Variants in EYS observed in about 807,000 individuals in gnomAD.
EYS encodes the protein protein eyes shut homolog.
EYS carries 250 observed loss-of-function variants against 282.1 expected under a neutral mutation model. The ratio of observed to expected loss-of-function variants is 0.89; its 90% confidence interval spans 0.80 to 0.98. The LOEUF is 0.98. EYS is among the 50% of genes least tolerant of loss of function. The pLI is 0.00. For missense variants in EYS, 4,016 were observed against 3,709.0 expected, an observed-to-expected ratio of 1.08 and a Z score of -2.15; for synonymous variants, 1,355 against 1,282.9, an observed-to-expected ratio of 1.06 and a Z score of -1.20.
At chr6:64,534,999 T>C (rs1208637569) in intron 26 of EYS, among the ~76,000 whole-genome samples, 1 of 152,156 alleles carries the variant, frequency 6.6e-6, no homozygotes, top group Non-Finnish European at 1.5e-5. Context: ...GTGTATCTAC[T>C]AAACTTCCTC....
chr6:64,696,571 A>G (rs571337438), intron 22 of EYS, among the ~76,000 whole-genome samples: 10 of 152,284 alleles, frequency 6.6e-5, no homozygotes, highest in African/African-American at 4.8e-5. Flanking sequence ...TCTAAAGTCA[A>G]TATGTTGGAA....
chr6:64,305,041 A>G (rs1371470737), intron 30 of EYS, among the ~76,000 whole-genome samples: 1 of 152,244 alleles, frequency 6.6e-6, no homozygotes, highest in African/African-American at 2.4e-5. Flanking sequence ...GAAAAACTCA[A>G]CAAAATTGAC....
chr6:65,637,820 C>T (rs1351464854), intron 2 of EYS, among the ~76,000 whole-genome samples: 3 of 152,164 alleles, frequency 2.0e-5, no homozygotes, highest in African/African-American at 7.2e-5. Context: ...GGCTGGCGGG[C>T]GTGGTGAGTG....
At chr6:65,007,833 A>G (rs1235772316) in intron 13 of EYS, among the ~76,000 whole-genome samples, 2 of 152,218 alleles carry the variant, frequency 1.3e-5, no homozygotes, top group Non-Finnish European at 2.9e-5. Context: ...ACCTAGGTAA[A>G]TTCTCAGATA....
intron 12 of EYS, among the ~76,000 whole-genome samples, chr6:65,150,529 A>G (rs1764588228): frequency 6.6e-6 from 1 of 151,848 alleles, no homozygotes; most frequent in Non-Finnish European, 1.5e-5. Context: ...TTTATTTTCT[A>G]TTATGTCTTT....
chr6:64,817,157 G>T (rs1429628273), intron 21 of EYS, among the ~76,000 whole-genome samples: 1 of 151,964 alleles, frequency 6.6e-6, no homozygotes, highest in East Asian at 1.9e-4. Context: ...TTTGTTGAGG[G>T]AGATGGACTC....
At chr6:64,483,350 G>T (rs1776491295) in intron 26 of EYS, among the ~76,000 whole-genome samples, 1 of 151,654 alleles carries the variant, frequency 6.6e-6, no homozygotes, top group Non-Finnish European at 1.5e-5. Context: ...TGTGGCTGAG[G>T]ATATCAGGTC....
intron 12 of EYS, among the ~76,000 whole-genome samples, chr6:65,256,269 TTTTTC>T (rs1201279335): frequency 2.2e-5 from 3 of 138,400 alleles, no homozygotes; most frequent in Non-Finnish European, 3.0e-5. Flanking sequence ...CTTCTTTTTT[TTTTTC>T]TTTTTTTTTT....
At chr6:64,553,553 C>A (rs867268193) in intron 26 of EYS, among the ~76,000 whole-genome samples, 1 of 134,196 alleles carries the variant, frequency 7.5e-6, no homozygotes, top group Non-Finnish European at 1.6e-5. Flanking sequence ...TGACCCCCCC[C>A]CCCCCATAGG....
intron 2 of EYS, among the ~76,000 whole-genome samples, chr6:65,517,347 A>ATAAAAAT (rs1554205543): frequency 0.015 from 2,319 of 151,610 alleles, 80 homozygotes; most frequent in African/African-American, 0.054. Flanking sequence ...ACAACAAAAA[A>ATAAAAAT]AAAACAAAAG....
In EYS at chr6:65,540,615, C is replaced by A. The variant is rs888939116; in HGVS notation, c.-332-44622G>T. On this transcript the variant is annotated intron_variant, in intron 2 of 42. Transcript: ENST00000503581. ...CTTTTATATAGTAGGAAGCAATATT[C>A]TTTTAAAACTTAGAGAAAGGTGGCC... Among the ~76,000 whole-genome samples, 3 of 152,224 alleles carry A rather than the reference C, an allele frequency of 2.0e-5. No individual in the cohort carries two copies. The South Asian group carries it at 6.2e-4, about 32-fold the overall frequency.
chr6:64,785,098 A>T (rs532739563), intron 22 of EYS, among the ~76,000 whole-genome samples: 1 of 152,266 alleles, frequency 6.6e-6, no homozygotes, highest in African/African-American at 2.4e-5. Context: ...ATTTCTAAAA[A>T]ATCAAATAAA....
At chr6:64,100,892 T>C (rs1311414167) in intron 31 of EYS, among the ~76,000 whole-genome samples, 2 of 152,182 alleles carry the variant, frequency 1.3e-5, no homozygotes, top group African/African-American at 4.8e-5. Flanking sequence ...CACCTGCTCA[T>C]TGTCATTGAA....
rs560413201 is a variant in EYS, at chr6:63,869,123, T to C, written c.7056-4765A>G. Among the ~76,000 whole-genome samples the C allele has an allele frequency of 2.0e-5, 3 of 152,298 alleles. No homozygotes were observed. In the East Asian group the frequency reaches 5.8e-4, roughly 29 times the overall value. ...AGCTCAGGGAAAATGTCCTCTGCTA[T>C]AGAAACTTTTTTCTTTATATGAAAG... On this transcript the variant is annotated intron_variant, in intron 35 of 42. Transcript: ENST00000503581.
At chr6:64,193,449 T>A (rs1214549810) in intron 31 of EYS, among the ~76,000 whole-genome samples, 3 of 152,106 alleles carry the variant, frequency 2.0e-5, no homozygotes, top group African/African-American at 7.2e-5. Flanking sequence ...TAGCTGAGAC[T>A]ACGGGAGCCT....
At chr6:63,986,596 A>G (rs1429690383) in intron 34 of EYS, among the ~76,000 whole-genome samples, 2 of 151,884 alleles carry the variant, frequency 1.3e-5, no homozygotes, top group Non-Finnish European at 2.9e-5. Flanking sequence ...ATATGCAGCC[A>G]TAAAAAAGAA....
chr6:64,425,657 G>GAA (rs34577912), intron 28 of EYS, among the ~76,000 whole-genome samples: 2,242 of 67,622 alleles, frequency 0.033, 95 homozygotes, highest in African/African-American at 0.094. Context: ...TCCATCCCAG[G>GAA]AAAAAAAAAA....
At chr6:64,878,075 A>G (rs1385177889) in intron 19 of EYS, among the ~76,000 whole-genome samples, 3 of 152,142 alleles carry the variant, frequency 2.0e-5, no homozygotes, top group African/African-American at 7.2e-5. Flanking sequence ...TTTACTAAAA[A>G]TACAAAAATT....
intron 22 of EYS, among the ~76,000 whole-genome samples, chr6:64,666,282 T>A (rs1218916085): frequency 6.6e-6 from 1 of 152,222 alleles, no homozygotes. Context: ...ACTCACTGCT[T>A]TGATTTTTAA....
Sources: allele counts gnomAD v4.1 joint callset (sites outside exome capture counted in the v4.1 genomes callset), GRCh38; gene constraint gnomAD v4.1.1; transcripts MANE v1.5; gene names NCBI Gene and HGNC (gene_info 2026-07-23, HGNC 2026-07-21).